Variants in DIAPH3 observed in about 807,000 individuals in gnomAD.
DIAPH3 encodes the protein diaphanous related formin 3.
A neutral mutation model predicts 144.3 loss-of-function variants in DIAPH3; 117 were observed. The observed-to-expected ratio is 0.81, with a 90% CI of 0.70 to 0.95. DIAPH3 has a LOEUF of 0.95. DIAPH3 is among the 40% of genes least tolerant of loss of function. The probability of loss-of-function intolerance (pLI) is 0.00; values close to 1 mark genes in which losing one functional copy is unlikely to be tolerated. For missense variants in DIAPH3, 1,421 were observed against 1,412.7 expected (o/e 1.01, Z -0.09); for synonymous variants, 519 against 488.9 (o/e 1.06, Z -0.81).
At chr13:60,104,263 T>A (rs1367307121) in intron 3 of DIAPH3, among the ~76,000 whole-genome samples, 2 of 152,214 alleles carry the variant, frequency 1.3e-5, no homozygotes, top group East Asian at 3.8e-4. Flanking sequence ...CTTTAAATAA[T>A]CATTTTTAAC....
chr13:59,795,273 G>A (rs2039530551), intron 25 of DIAPH3, among the ~76,000 whole-genome samples: 1 of 152,134 alleles, frequency 6.6e-6, no homozygotes, highest in African/African-American at 2.4e-5. Context: ...CATTCAGCAT[G>A]AGACAGTAGA....
intron 2 of DIAPH3, among the ~76,000 whole-genome samples, chr13:60,115,311 G>T (rs1274407471): frequency 6.6e-6 from 1 of 152,088 alleles, no homozygotes; most frequent in Non-Finnish European, 1.5e-5. Flanking sequence ...ACTTTGTATG[G>T]GTCCCATGGT....
chr13:59,980,912 T>C (rs183913449), intron 13 of DIAPH3, 53 bp from the exon 14 acceptor site: 1 of 1,447,262 alleles, frequency 6.9e-7, no homozygotes, highest in East Asian at 2.3e-5. Context: ...AAACTCATTA[T>C]GACTTCAAAA....
intron 17 of DIAPH3, among the ~76,000 whole-genome samples, chr13:59,948,026 G>GT (rs923956707): frequency 2.0e-5 from 3 of 152,212 alleles, no homozygotes; most frequent in African/African-American, 7.2e-5. Context: ...TGTGAGTCAG[G>GT]TATCATACCA....
chr13:59,814,045 A>G (rs1199802512), intron 24 of DIAPH3, among the ~76,000 whole-genome samples: 1 of 152,208 alleles, frequency 6.6e-6, no homozygotes, highest in Non-Finnish European at 1.5e-5. Flanking sequence ...TGAAAATTCT[A>G]TTTCTTGCTT....
At chr13:59,819,053 T>C (rs2040928550) in intron 24 of DIAPH3, among the ~76,000 whole-genome samples, 1 of 151,866 alleles carries the variant, frequency 6.6e-6, no homozygotes, top group Admixed American at 6.6e-5. Context: ...CCTTGTTTCT[T>C]TGTGTGTTTG....
At chr13:59,940,861 A>G (rs531157485) in intron 17 of DIAPH3, among the ~76,000 whole-genome samples, 1 of 152,336 alleles carries the variant, frequency 6.6e-6, no homozygotes, top group South Asian at 2.1e-4. Flanking sequence ...AGAAACTGCA[A>G]ATGTGATGAC....
intron 4 of DIAPH3, among the ~76,000 whole-genome samples, chr13:60,077,304 T>G (rs982759681): frequency 6.6e-6 from 1 of 152,064 alleles, no homozygotes; most frequent in African/African-American, 2.4e-5. Context: ...CTCATCTAAC[T>G]TCTCTAAAAC....
At chr13:59,725,238 G>T (rs1422469733) in intron 27 of DIAPH3, among the ~76,000 whole-genome samples, 1 of 152,166 alleles carries the variant, frequency 6.6e-6, no homozygotes, top group African/African-American at 2.4e-5. Context: ...GCAAAGAAAA[G>T]CTAAGGAAGA....
At chr13:60,051,399 C>A (rs776996169) in intron 4 of DIAPH3, among the ~76,000 whole-genome samples, 3 of 152,074 alleles carry the variant, frequency 2.0e-5, no homozygotes, top group Admixed American at 1.3e-4. Context: ...ACGGGTGGAT[C>A]ATCTGAGGTC....
intron 7 of DIAPH3, chr13:60,013,311 G>T: frequency 2.8e-6 from 2 of 711,874 alleles, no homozygotes; most frequent in Non-Finnish European, 1.7e-6. Flanking sequence ...AAATCCTCGT[G>T]TAGGACGCCC....
intron 20 of DIAPH3, among the ~76,000 whole-genome samples, chr13:59,903,299 A>C (rs564599623): frequency 6.6e-6 from 1 of 152,308 alleles, no homozygotes; most frequent in East Asian, 1.9e-4. Context: ...AGACTTGGAG[A>C]TATTTAGTCT....
intron 17 of DIAPH3, among the ~76,000 whole-genome samples, chr13:59,940,083 C>T (rs1305423447): frequency 6.6e-6 from 1 of 152,130 alleles, no homozygotes; most frequent in African/African-American, 2.4e-5. Flanking sequence ...CCCCACTCCC[C>T]TAAACAATCT....
At chr13:59,771,304 G>A (rs1322676706) in intron 27 of DIAPH3, among the ~76,000 whole-genome samples, 1 of 151,956 alleles carries the variant, frequency 6.6e-6, no homozygotes, top group East Asian at 1.9e-4. Context: ...TTAGGCTTTG[G>A]ATATATATTT....
At chr13:59,984,849 G>C (rs1317822933) in intron 12 of DIAPH3, among the ~76,000 whole-genome samples, 5 of 119,618 alleles carry the variant, frequency 4.2e-5, no homozygotes, top group Non-Finnish European at 7.0e-5. Flanking sequence ...CAACCAAAAA[G>C]AGTCCAGGAC....
chr13:59,811,192 G>A (rs1295013503), intron 24 of DIAPH3, among the ~76,000 whole-genome samples: 1 of 151,910 alleles, frequency 6.6e-6, no homozygotes, highest in Non-Finnish European at 1.5e-5. Context: ...AAGGGAGATG[G>A]GAGACAGAAA....
intron 3 of DIAPH3, among the ~76,000 whole-genome samples, chr13:60,104,707 TC>T (rs2058360708): frequency 6.6e-6 from 1 of 152,188 alleles, no homozygotes; most frequent in Non-Finnish European, 1.5e-5. Context: ...TCTAATTTAT[TC>T]TGGAATGTAA....
intron 24 of DIAPH3, among the ~76,000 whole-genome samples, chr13:59,820,954 T>C (rs1320846617): frequency 6.6e-6 from 1 of 151,874 alleles, no homozygotes; most frequent in African/African-American, 2.4e-5. Context: ...CAACATATTA[T>C]AATATCCTGT....
At chr13:59,848,324 T>TTTTTTTA (rs1555315118) in intron 22 of DIAPH3, among the ~76,000 whole-genome samples, 43 of 149,074 alleles carry the variant, frequency 2.9e-4, no homozygotes, top group Non-Finnish European at 2.5e-4. Context: ...TTTTTTTTTT[T>TTTTTTTA]AATTATTATA....
Sources: gnomAD v4.1 joint callset for allele counts (sites outside exome capture counted in the v4.1 genomes callset) on GRCh38, gnomAD v4.1.1 for gene constraint, MANE v1.5 for transcripts, NCBI Gene and HGNC (gene_info 2026-07-23, HGNC 2026-07-21) for gene names.